The following TSSK6 variants were observed in gnomAD, a reference collection of about 807,000 sequenced individuals.
TSSK6 encodes the protein testis-specific serine/threonine-protein kinase 6.
Under a neutral mutation model 8.5 loss-of-function variants are expected in TSSK6, and 9 were observed. The ratio of observed to expected loss-of-function variants is 1.06; its 90% CI spans 0.64 to 1.85. The LOEUF is 1.85. Among genes scored for constraint, TSSK6 ranks in the 40% most tolerant of loss-of-function variants. The probability of loss-of-function intolerance (pLI) is 0.00; values close to 1 mark genes in which losing one functional copy is unlikely to be tolerated. For synonymous variants in TSSK6, 202 were observed against 182.4 expected (o/e 1.11, Z -0.86); for missense variants, 311 against 391.5 (o/e 0.79, Z 1.73).
chr19:19,514,307 G>T lies in TSSK6; in HGVS notation c.*299C>A. 1 of 427,630 alleles carries T rather than the reference G, an allele frequency of 2.3e-6. No individual in the cohort carries two copies. Among genetic ancestry groups the T allele is most frequent in the Non-Finnish European group, 4.2e-6 (1 of 237,062 alleles). The allele number at this position is 427,630 out of a possible 1,614,324, so 26.5% of individuals were successfully genotyped here. On this transcript the variant is annotated 3_prime_UTR_variant, in exon 1 of 1. Transcript: ENST00000585580. Reference sequence around the variant, plus strand: ...AAGGGACGCCCTCCGCGCAGAGGCTGAGAGTTCCGCGCAGGCGCAATGCTT... The same window carrying T: ...AAGGGACGCCCTCCGCGCAGAGGCTTAGAGTTCCGCGCAGGCGCAATGCTT...
rs1215847553 is a variant in TSSK6, at chr19:19,514,980, C to T, written c.448G>A (p.Val150Ile). 2.7e-5 allele frequency: 44 copies of T among 1,606,010 alleles called. No individual in the cohort carries two copies. The highest frequency in any genetic ancestry group is 3.6e-5 in the Non-Finnish European group (42 of 1,175,836). The part of the protein sequence containing the change: ...NVLLSPDERR[V>I]KLTDFGFGRQ... ...CCGAAGCCGAAGTCGGTGAGCTTGA[C>T]GCGGCGCTCGTCCGGGCTCAGCAGC... Residue 150 changes from valine to isoleucine, a missense_variant, in exon 1 of 1, where the codon GTC (valine) becomes ATC (isoleucine). By Grantham distance (29) the Val-to-Ile change is conservative. Transcript: ENST00000585580.
Position 19,514,570 on chromosome 19 carries a change from C to A in TSSK6, c.*36G>T. 6.7e-7 allele frequency: 1 copy of A among 1,503,372 alleles called. No individual in the cohort carries two copies. The highest frequency in any genetic ancestry group is 1.3e-5 in the South Asian group (1 of 79,852). The allele number at this position is 1,503,372 out of a possible 1,614,324, so 93.1% of individuals were successfully genotyped here. ...GCGCGTGCGCCGCCCTGGCCCAGTGCCCTTGGCTGCAGGAATGGCTGGAAC... is the reference window on the plus strand; with the variant it reads ...GCGCGTGCGCCGCCCTGGCCCAGTGACCTTGGCTGCAGGAATGGCTGGAAC... On this transcript the variant is annotated 3_prime_UTR_variant, in exon 1 of 1. Transcript: ENST00000585580.
rs954133390 is a variant in TSSK6, at chr19:19,514,510, G to A, written c.*96C>T. The A allele has an allele frequency of 1.6e-5, 19 of 1,172,444 alleles. No homozygotes were observed. In the African/African-American group the frequency reaches 2.2e-4, roughly 13 times the overall value. 72.6% of individuals were successfully genotyped at this position (1,172,444 alleles called of 1,614,324 possible). A position where few individuals can be genotyped will look rare whatever the true frequency, so the allele number is the denominator to read the frequency against. Reference sequence around the variant, plus strand: ...AAAAAGCGCATGTGCAGCAGCACGCGGCAGCTTCGCATATTCCCTCGAAGC... The same window carrying A: ...AAAAAGCGCATGTGCAGCAGCACGCAGCAGCTTCGCATATTCCCTCGAAGC... On this transcript the variant is annotated 3_prime_UTR_variant, in exon 1 of 1. Coordinates refer to ENST00000585580, the MANE Select transcript of TSSK6 (RefSeq NM_032037.4).
chr19:19,514,696 G>A lies in TSSK6; in HGVS notation c.732C>T (p.Ile244=), dbSNP rs369133379. The A allele has an allele frequency of 2.5e-6, 4 of 1,601,070 alleles. No homozygotes were observed. In the African/African-American group the frequency reaches 5.3e-5, roughly 21 times the overall value. ...ACGGGCTGAACTGCAGCAGCTCGGC[G>A]ATCAGGGCCTTGCAGCGCTCGGACA... ...LELSERCKAL[I]AELLQFSPSA... is the part of the protein sequence containing the mutation. Residue 244 remains isoleucine (I), a synonymous_variant, in exon 1 of 1, where the codon ATC becomes ATT. Coordinates refer to ENST00000585580, the MANE Select transcript of TSSK6 (RefSeq NM_032037.4).
rs1175875772 is a variant in TSSK6 at position 19,515,379 on chromosome 19, T to C, written c.49A>G (p.Thr17Ala). The C allele has an allele frequency of 6.2e-7, 1 of 1,611,386 alleles. No homozygotes were observed. Among genetic ancestry groups the C allele is most frequent in the Non-Finnish European group, 8.5e-7 (1 of 1,177,740 alleles). ...TTGGAGTAGCTGCCCTCTCCAATTG[T>C]GCGGCCCAGCTTATAACCGAGTTCG... The part of the protein sequence containing the change: ...LSELGYKLGR[T>A]IGEGSYSKVK... The change falls in exon 1 of 1, where the codon ACA (threonine) becomes GCA (alanine). Residue 17 changes from threonine to alanine, a missense_variant. Thr to Ala is a moderately conservative substitution (Grantham distance 58, BLOSUM62 0). Transcript: ENST00000585580.
At position 19,514,714 on chromosome 19, in the gene TSSK6, C is replaced by G; in HGVS notation, c.714G>C (p.Glu238Asp). 1 of 1,602,046 alleles carries G rather than the reference C, an allele frequency of 6.2e-7. No individual in the cohort carries two copies. Among genetic ancestry groups the G allele is most frequent in the Non-Finnish European group, 8.5e-7 (1 of 1,179,606 alleles). ...GCTCGGCGATCAGGGCCTTGCAGCGCTCGGACAGCTCGAGGCCTTCGGGAT... is the reference window on the plus strand; with the variant it reads ...GCTCGGCGATCAGGGCCTTGCAGCGGTCGGACAGCTCGAGGCCTTCGGGAT... ...VLYPEGLELS[E>D]RCKALIAELL... The change falls in exon 1 of 1, where the codon GAG (glutamate) becomes GAC (aspartate). Residue 238 changes from glutamate to aspartate, a missense_variant. Glu to Asp is a conservative substitution (Grantham distance 45). Coordinates refer to ENST00000585580, the MANE Select transcript of TSSK6 (RefSeq NM_032037.4).
Position 19,514,524 on chromosome 19 carries a change from T to G in TSSK6, c.*82A>C, listed in dbSNP as rs143777971. On this transcript the variant is annotated 3_prime_UTR_variant, in exon 1 of 1. Coordinates refer to ENST00000585580, the MANE Select transcript of TSSK6 (RefSeq NM_032037.4). ...CAGCAGCACGCGGCAGCTTCGCATA[T>G]TCCCTCGAAGCGCGCCTCTTGCGCG... 2.7e-3 allele frequency: 3,434 copies of G among 1,278,036 alleles called. 86 individuals carry two copies. The African/African-American group carries it at 0.046, about 17-fold the overall frequency. The allele number at this position is 1,278,036 out of a possible 1,614,324, so 79.2% of individuals were successfully genotyped here.
rs186347505 is a variant in TSSK6, at chr19:19,514,753, T to C, written c.675A>G (p.Lys225=). ...GGCCTTCGGGATAGAGCACGCCGCGTTTCTGGCGCCGGGGCAGGCCGGCGA... is the reference window on the plus strand; with the variant it reads ...GGCCTTCGGGATAGAGCACGCCGCGCTTCTGGCGCCGGGGCAGGCCGGCGA... ...SDIAGLPRRQ[K]RGVLYPEGLE... Residue 225 remains lysine (K), a synonymous_variant, in exon 1 of 1, where the codon AAA becomes AAG. Transcript: ENST00000585580. 5.7e-4 allele frequency: 916 copies of C among 1,602,304 alleles called. 5 individuals carry two copies. In the East Asian group the frequency reaches 0.016, roughly 29 times the overall value.
At position 19,515,335 on chromosome 19, in the gene TSSK6, G is replaced by C. The variant is rs376868849; in HGVS notation, c.93C>G (p.Ser31=). 1.2e-6 allele frequency: 2 copies of C among 1,614,044 alleles called. No homozygotes were observed. Among genetic ancestry groups the C allele is most frequent in the Non-Finnish European group, 1.7e-6 (2 of 1,179,888 alleles). ...GSYSKVKVAT[S]KKYKGTVAIK... Reference sequence around the variant, plus strand: ...TGGCCACGGTACCCTTGTACTTCTTGGATGTGGCCACCTTCACCTTGGAGT... The same window carrying C: ...TGGCCACGGTACCCTTGTACTTCTTCGATGTGGCCACCTTCACCTTGGAGT... Residue 31 remains serine, a synonymous_variant, in exon 1 of 1, where the codon TCC becomes TCG. Coordinates refer to ENST00000585580, the MANE Select transcript of TSSK6 (RefSeq NM_032037.4).
In TSSK6 at chr19:19,514,897, G is replaced by A; in HGVS notation, c.531C>T (p.Tyr177=). 1 of 1,602,300 alleles carries A rather than the reference G, an allele frequency of 6.2e-7. No individual in the cohort carries two copies. Among genetic ancestry groups the A allele is most frequent in the Non-Finnish European group, 8.5e-7 (1 of 1,178,012 alleles). ...LSTTYCGSAA[Y]ASPEVLLGIP... ...TGCCCAGGAGCACCTCGGGTGACGCGTAGGCGGCTGAGCCGCAGTAGGTGG... is the reference window on the plus strand; with the variant it reads ...TGCCCAGGAGCACCTCGGGTGACGCATAGGCGGCTGAGCCGCAGTAGGTGG... The change falls in exon 1 of 1, where the codon TAC becomes TAT. Residue 177 remains tyrosine, a synonymous_variant. Coordinates refer to ENST00000585580, the MANE Select transcript of TSSK6 (RefSeq NM_032037.4).
Position 19,514,677 on chromosome 19 carries a change from T to C in TSSK6, c.751A>G (p.Ser251Gly), listed in dbSNP as rs1161734082. The C allele has an allele frequency of 6.2e-7, 1 of 1,600,070 alleles. No homozygotes were observed. The highest frequency in any genetic ancestry group is 8.5e-7 in the Non-Finnish European group (1 of 1,179,196). The change falls in exon 1 of 1, where the codon AGC becomes GGC. Residue 251 changes from serine to glycine, a missense_variant. By Grantham distance (56) the Ser-to-Gly change is moderately conservative (BLOSUM62 0). Transcript: ENST00000585580. The part of the protein sequence containing the change: ...KALIAELLQF[S>G]PSARPSAGQV... ...CCCGCGGAGGGCCTGGCGGACGGGC[T>C]GAACTGCAGCAGCTCGGCGATCAGG...
At position 19,514,791 on chromosome 19, in the gene TSSK6, C is replaced by A. The variant is rs1159216303; in HGVS notation, c.637G>T (p.Asp213Tyr). The change falls in exon 1 of 1, where the codon GAC becomes TAC. Residue 213 changes from aspartate to tyrosine, a missense_variant. Physicochemically the swap from Asp to Tyr is radical, Grantham distance 160 (BLOSUM62 -3). Coordinates refer to ENST00000585580, the MANE Select transcript of TSSK6 (RefSeq NM_032037.4). ...YVMVTGCMPF[D>Y]DSDIAGLPRR... is the part of the protein sequence containing the mutation. ...GGCAGGCCGGCGATGTCCGAGTCGTCGAAGGGCATGCACCCGGTGACCATG... is the reference window on the plus strand; with the variant it reads ...GGCAGGCCGGCGATGTCCGAGTCGTAGAAGGGCATGCACCCGGTGACCATG... 6.2e-7 allele frequency: 1 copy of A among 1,601,902 alleles called. No homozygotes were observed. The highest frequency in any genetic ancestry group is 8.5e-7 in the Non-Finnish European group (1 of 1,179,520).
Position 19,515,252 on chromosome 19 carries a change from C to T in TSSK6, c.176G>A (p.Arg59Gln). The T allele has an allele frequency of 6.2e-7, 1 of 1,613,348 alleles. No homozygotes were observed. Among genetic ancestry groups the T allele is most frequent in the Non-Finnish European group, 8.5e-7 (1 of 1,179,990 alleles). The change falls in exon 1 of 1, where the codon CGA becomes CAA. Residue 59 changes from arginine to glutamine, a missense_variant. Transcript: ENST00000585580. ...PPDFVNKFLP[R>Q]ELSILRGVRH... ...CACGCCCCGCAGGATGGACAGCTCT[C>T]GCGGCAGGAACTTGTTGACGAAGTC...
rs567424259 is a variant in TSSK6, at chr19:19,515,206, G to A, written c.222C>T (p.His74=). 3.1e-6 allele frequency: 5 copies of A among 1,610,822 alleles called. No individual in the cohort carries two copies. The highest frequency in any genetic ancestry group is 1.3e-5 in the African/African-American group (1 of 74,942). The part of the protein sequence containing the change: ...LRGVRHPHIV[H]VFEFIEVCNG... ...TGCACACCTCGATGAACTCGAAGACGTGCACGATGTGCGGGTGTCGCACGC... is the reference window on the plus strand; with the variant it reads ...TGCACACCTCGATGAACTCGAAGACATGCACGATGTGCGGGTGTCGCACGC... The change falls in exon 1 of 1, where the codon CAC becomes CAT. Residue 74 remains histidine, a synonymous_variant. Transcript: ENST00000585580.
Position 19,515,407 on chromosome 19 carries a change from CAGA to C in TSSK6, c.18_20del (p.Leu7del). On this transcript the variant is annotated inframe_deletion, in exon 1 of 1. Transcript: ENST00000585580. The stretch of plus-strand genomic sequence containing the variant: ...GGCCCAGCTTATAACCGAGTTCGCT[CAGA>C]AGTTTGTCTCCCGACATGGTGGCGC... 6.3e-7 allele frequency: 1 copy of C among 1,597,280 alleles called. No individual in the cohort carries two copies. Among genetic ancestry groups the C allele is most frequent in the Non-Finnish European group, 8.6e-7 (1 of 1,167,046 alleles).
At position 19,515,028 on chromosome 19, in the gene TSSK6, G is replaced by C; in HGVS notation, c.400C>G (p.Arg134Gly). Residue 134 changes from arginine (R) to glycine (G), a missense_variant, in exon 1 of 1, where the codon CGC becomes GGC. Physicochemically the swap from Arg to Gly is moderately radical, Grantham distance 125. Transcript: ENST00000585580. ...AGCACGTTTTCGCACTTGAGGTCGC[G>C]GTGCACCAGGTGATGATCGTGCAGG... ...RYLHDHHLVHRDLKCENVLLS... is the reference protein window; with the variant it reads ...RYLHDHHLVHGDLKCENVLLS... The C allele has an allele frequency of 3.1e-6, 5 of 1,611,088 alleles. No individual in the cohort carries two copies. The highest frequency in any genetic ancestry group is 3.4e-6 in the Non-Finnish European group (4 of 1,178,922).
rs59354542 is a variant in TSSK6 at position 19,514,783 on chromosome 19, C to T, written c.645G>A (p.Ser215=). The part of the protein sequence containing the change: ...MVTGCMPFDD[S]DIAGLPRRQK... ...GGCGCCGGGGCAGGCCGGCGATGTC[C>T]GAGTCGTCGAAGGGCATGCACCCGG... is the stretch of plus-strand genomic sequence containing the variant. The change falls in exon 1 of 1, where the codon TCG becomes TCA. Residue 215 remains serine, a synonymous_variant. Transcript: ENST00000585580. The T allele has an allele frequency of 1.6e-3, 2,499 of 1,602,052 alleles. 34 individuals carry two copies. In the African/African-American group the frequency reaches 0.028, roughly 18 times the overall value.
At position 19,515,368 on chromosome 19, in the gene TSSK6, C is replaced by T; in HGVS notation, c.60G>A (p.Glu20=). The change falls in exon 1 of 1, where the codon GAG becomes GAA. Residue 20 remains glutamate (E), a synonymous_variant. Coordinates refer to ENST00000585580, the MANE Select transcript of TSSK6 (RefSeq NM_032037.4). ...LGYKLGRTIG[E]GSYSKVKVAT... ...CCACCTTCACCTTGGAGTAGCTGCC[C>T]TCTCCAATTGTGCGGCCCAGCTTAT... is the stretch of plus-strand genomic sequence containing the variant. 6.2e-7 allele frequency: 1 copy of T among 1,613,244 alleles called. No individual in the cohort carries two copies. The highest frequency in any genetic ancestry group is 1.1e-5 in the South Asian group (1 of 91,064).
chr19:19,515,112 G>T lies in TSSK6; in HGVS notation c.316C>A (p.Arg106Ser). The T allele has an allele frequency of 1.9e-6, 3 of 1,604,484 alleles. No homozygotes were observed. Among genetic ancestry groups the T allele is most frequent in the Non-Finnish European group, 2.5e-6 (3 of 1,177,894 alleles). ...TCGCGCGCCTGAACTCCGGGGATGC[G>T]CCCGTTGCGCTGCACGGCTTGCAGC... ...DLLQAVQRNG[R>S]IPGVQARDLF... Residue 106 changes from arginine (R) to serine (S), a missense_variant, in exon 1 of 1, where the codon CGC becomes AGC. Transcript: ENST00000585580.
Sources: allele counts gnomAD v4.1 joint callset, GRCh38; gene constraint gnomAD v4.1.1; transcripts MANE v1.5; gene names NCBI Gene and HGNC (gene_info 2026-07-23, HGNC 2026-07-21).